Variants in DYSF observed in about 807,000 individuals in gnomAD.
The protein encoded by DYSF is dysferlin.
In DYSF, 212 loss-of-function variants were observed where a neutral mutation model predicts 274.9. The ratio of observed to expected loss-of-function variants is 0.77; its 90% CI spans 0.69 to 0.86. DYSF has a LOEUF of 0.86. DYSF is among the 40% of genes least tolerant of loss of function. The probability of loss-of-function intolerance (pLI) is 0.00; values close to 1 mark genes in which losing one functional copy is unlikely to be tolerated. For missense variants in DYSF, 2,666 were observed against 2,783.2 expected, an observed-to-expected ratio of 0.96 and a Z score of 0.95; for synonymous variants, 1,091 against 1,078.7, an observed-to-expected ratio of 1.01 and a Z score of -0.22.
In DYSF at chr2:71,649,683, T is replaced by TA. The variant is rs112472325; in HGVS notation, c.4626+5629dup. Among the ~76,000 whole-genome samples, 60 of 150,580 alleles carry TA rather than the reference T, an allele frequency of 4.0e-4. 1 individual carries two copies. Among genetic ancestry groups the TA allele is most frequent in the African/African-American group, 1.0e-3 (43 of 41,042 alleles). ...CACAGAAAGTGGACCGTGCAAAGAT[T>TA]AAAAAAAAAGAACCTATGAAATGAG... On this transcript the variant is annotated intron_variant, in intron 42 of 55. Transcript: ENST00000410020.
chr2:71,618,604 G>GTGTGTGT (rs762202789), intron 40 of DYSF, among the ~76,000 whole-genome samples: 15 of 26,370 alleles, frequency 5.7e-4, no homozygotes, highest in African/African-American at 1.0e-3. Context: ...TGGTAGAGGT[G>GTGTGTGT]GTGGGTGTGG....
In DYSF at chr2:71,582,361, C is replaced by G. The variant is rs538824332; in HGVS notation, c.3403-7232C>G. On this transcript the variant is annotated intron_variant, in intron 30 of 55. Transcript: ENST00000410020. Reference sequence around the variant, plus strand: ...TGTCCACATAGTATCTCATTTAACCCTTCCAGCAGTTCTAGGAGATAGGGT... The same window carrying G: ...TGTCCACATAGTATCTCATTTAACCGTTCCAGCAGTTCTAGGAGATAGGGT... Among the ~76,000 whole-genome samples the G allele has an allele frequency of 2.1e-3, 321 of 152,272 alleles. 2 individuals are homozygous for G. Among genetic ancestry groups the G allele is most frequent in the South Asian group, 0.012 (60 of 4,826 alleles).
chr2:71,500,340 A>G (rs577707975), intron 3 of DYSF, among the ~76,000 whole-genome samples: 119 of 152,176 alleles, frequency 7.8e-4, no homozygotes, highest in African/African-American at 2.7e-3. Flanking sequence ...ACACTGCGGG[A>G]GAGGCAGCCT....
intron 27 of DYSF, 90 bp from the exon 28 acceptor site, chr2:71,570,139 G>A (rs2092333812): frequency 8.1e-7 from 1 of 1,241,142 alleles, no homozygotes; most frequent in Non-Finnish European, 1.2e-6. Context: ...GGACTTGGAG[G>A]ACGTATGTTG....
intron 21 of DYSF, among the ~76,000 whole-genome samples, chr2:71,554,279 A>C (rs543614174): frequency 6.6e-6 from 1 of 152,206 alleles, no homozygotes; most frequent in Non-Finnish European, 1.5e-5. Context: ...AATGCACACA[A>C]GGGCTTGTGC....
At position 71,551,050 on chromosome 2, in the gene DYSF, A is replaced by T. The variant is rs1323631361; in HGVS notation, c.1586A>T (p.Tyr529Phe). Residue 529 changes from tyrosine (Y) to phenylalanine (F), a missense_variant, in exon 18 of 56, where the codon TAC becomes TTC. Transcript: ENST00000410020. ...APGGEIEVDD[Y>F]LGFLPTFGPC... ...CACTTGTGTCTCCCAGTGGATGACT[A>T]CCTGGGCTTCCTCCCCACTTTTGGG... is the stretch of plus-strand genomic sequence containing the variant. The T allele has an allele frequency of 6.2e-7, 1 of 1,613,906 alleles. No individual in the cohort carries two copies. The highest frequency in any genetic ancestry group is 8.5e-7 in the Non-Finnish European group (1 of 1,179,930).
intron 41 of DYSF, among the ~76,000 whole-genome samples, chr2:71,636,014 G>C (rs1345266371): frequency 6.6e-6 from 1 of 152,086 alleles, no homozygotes; most frequent in Non-Finnish European, 1.5e-5. Context: ...AAGTGGCTTA[G>C]GGATCTATCA....
At chr2:71,534,898 C>T in intron 14 of DYSF, 123 bp from the exon 15 acceptor site, 2 of 1,006,558 alleles carry the variant, frequency 2.0e-6, no homozygotes, top group Admixed American at 1.9e-5. Context: ...ACCCCAGGGT[C>T]TTACACCCAG....
intron 16 of DYSF, among the ~76,000 whole-genome samples, chr2:71,536,976 C>T (rs1307625361): frequency 6.6e-6 from 1 of 152,018 alleles, no homozygotes. Flanking sequence ...CCAAACCAAA[C>T]AACAACAACA....
intron 9 of DYSF, among the ~76,000 whole-genome samples, chr2:71,516,712 G>C (rs2086696993): frequency 6.6e-6 from 1 of 152,130 alleles, no homozygotes; most frequent in Admixed American, 6.5e-5. Context: ...CTAAGTGTAG[G>C]CTCCGGCACT....
At chr2:71,467,254 G>A (rs2081600533) in intron 1 of DYSF, among the ~76,000 whole-genome samples, 2 of 152,236 alleles carry the variant, frequency 1.3e-5, no homozygotes, top group South Asian at 4.1e-4. Context: ...GGGTAAGTTG[G>A]AAGATGGGTG....
chr2:71,662,440 G>GTGTGTA (rs984425979), intron 45 of DYSF, among the ~76,000 whole-genome samples: 9 of 151,476 alleles, frequency 5.9e-5, no homozygotes, highest in African/African-American at 2.2e-4. Context: ...GTATGTATGT[G>GTGTGTA]TGTGTATGTG....
intron 41 of DYSF, among the ~76,000 whole-genome samples, chr2:71,625,429 G>T (rs1384444795): frequency 2.6e-5 from 4 of 152,110 alleles, no homozygotes; most frequent in African/African-American, 9.7e-5. Context: ...AGAATGATCT[G>T]TGCTTTCTCA....
chr2:71,681,179 C>A, intron 54 of DYSF, 69 bp downstream of exon 54: 2 of 1,430,274 alleles, frequency 1.4e-6, no homozygotes, highest in Non-Finnish European at 2.0e-6. Context: ...CAGGAGGCAT[C>A]CCATTGCATG....
intron 8 of DYSF, 31 bp from the exon 9 acceptor site, chr2:71,516,149 T>A: frequency 6.2e-7 from 1 of 1,612,320 alleles, no homozygotes; most frequent in Non-Finnish European, 8.5e-7. Flanking sequence ...CAGCAGGCAC[T>A]GATATGTCTC....
chr2:71,480,376 A>G (rs960995064), intron 1 of DYSF, among the ~76,000 whole-genome samples: 2 of 151,216 alleles, frequency 1.3e-5, no homozygotes, highest in Non-Finnish European at 2.9e-5. Flanking sequence ...CTACACACAC[A>G]CACACACGCA....
chr2:71,570,248 C>T lies in DYSF; in HGVS notation c.2999C>T (p.Pro1000Leu), dbSNP rs766529008. 1.9e-6 allele frequency: 3 copies of T among 1,614,072 alleles called. No individual in the cohort carries two copies. Among genetic ancestry groups the T allele is most frequent in the Non-Finnish European group, 2.5e-6 (3 of 1,179,994 alleles). Reference protein sequence around the residue: ...YTDVNGEKVLPKDDIECPLGW... With the variant: ...YTDVNGEKVLLKDDIECPLGW... ...CCTTAGAACGGGGAGAAGGTGCTTC[C>T]CAAGGATGACATTGAGTGCCCACTG... Residue 1000 changes from proline to leucine, a missense_variant, in exon 28 of 56, where the codon CCC (proline) becomes CTC (leucine). Around this residue, in one of 3 missense-constraint regions of DYSF, gnomAD observed 1,460 missense variants for 1,502.1 expected, o/e 0.97. Coordinates refer to ENST00000410020, the MANE Select transcript of DYSF (RefSeq NM_001130987.2).
intron 14 of DYSF, among the ~76,000 whole-genome samples, chr2:71,531,684 C>A (rs757715247): frequency 6.6e-6 from 1 of 151,854 alleles, no homozygotes; most frequent in African/African-American, 2.4e-5. Flanking sequence ...TTGGCGACTT[C>A]GCTGTTTAAA....
At chr2:71,597,890 C>T (rs182444473) in intron 32 of DYSF, among the ~76,000 whole-genome samples, 151 of 152,238 alleles carry the variant, frequency 9.9e-4, no homozygotes, top group African/African-American at 3.6e-3. Context: ...GAACTGGTCT[C>T]CCTAGACCTC....
Sources: gnomAD v4.1 joint callset for allele counts (sites outside exome capture counted in the v4.1 genomes callset) on GRCh38, gnomAD v4.1.1 for gene constraint, gnomAD v4.1.1 regional missense constraint, MANE v1.5 for transcripts, NCBI Gene and HGNC (gene_info 2026-07-23, HGNC 2026-07-21) for gene names.